Variants in CACNA1I observed in about 807,000 individuals in gnomAD.
CACNA1I encodes calcium voltage-gated channel subunit alpha1 I, also known as voltage-dependent T-type calcium channel subunit alpha-1I.
Under a neutral mutation model 201.6 loss-of-function variants are expected in CACNA1I, and 74 were observed. The observed-to-expected ratio is 0.37, with a 90% confidence interval of 0.30 to 0.45. CACNA1I has a LOEUF of 0.45. Among genes scored for constraint, CACNA1I ranks in the 20% least tolerant of loss-of-function variants. CACNA1I has a pLI of 1.00. For synonymous variants in CACNA1I, 1,431 were observed against 1,345.2 expected, an observed-to-expected ratio of 1.06 and a Z score of -1.40; for missense variants, 2,346 against 3,138.1, an observed-to-expected ratio of 0.75 and a Z score of 6.03.
chr22:39,597,588 G>A (rs374916478), intron 1 of CACNA1I, among the ~76,000 whole-genome samples: 7 of 152,260 alleles, frequency 4.6e-5, no homozygotes, highest in African/African-American at 1.7e-4. Flanking sequence ...CCAGGGCTGG[G>A]CTTGGTGCGG....
At chr22:39,611,386 A>G (rs1231947446) in intron 3 of CACNA1I, among the ~76,000 whole-genome samples, 1 of 152,134 alleles carries the variant, frequency 6.6e-6, no homozygotes, top group African/African-American at 2.4e-5. Context: ...GTGCTCACCC[A>G]TGACATGAAG....
chr22:39,596,499 G>A (rs1401474159), intron 1 of CACNA1I, among the ~76,000 whole-genome samples: 1 of 91,312 alleles, frequency 1.1e-5, no homozygotes, highest in Non-Finnish European at 2.3e-5. Context: ...GAGAGAGATG[G>A]GGGGCAGGGT....
At chr22:39,669,969 G>C in intron 24 of CACNA1I, 69 bp from the exon 25 acceptor site, 1 of 1,570,924 alleles carries the variant, frequency 6.4e-7, no homozygotes. Flanking sequence ...GGCTCAGCCA[G>C]GATGGGCACC....
At chr22:39,591,572 T>C (rs1231001484) in intron 1 of CACNA1I, among the ~76,000 whole-genome samples, 1 of 151,872 alleles carries the variant, frequency 6.6e-6, no homozygotes, top group Non-Finnish European at 1.5e-5. Flanking sequence ...TTTTTTTTTG[T>C]TTTTGAGATG....
chr22:39,581,395 G>A (rs75236651), intron 1 of CACNA1I, among the ~76,000 whole-genome samples: 117 of 152,292 alleles, frequency 7.7e-4, no homozygotes, highest in Non-Finnish European at 1.3e-3. Context: ...AGGGCAGAAC[G>A]GAAGACTGCG....
At chr22:39,664,212 C>G (rs1935112475) in intron 20 of CACNA1I, 53 bp downstream of exon 20, 3 of 1,470,858 alleles carry the variant, frequency 2.0e-6, no homozygotes, top group South Asian at 2.4e-5. Context: ...GGGCCCCTGG[C>G]CCTGGGTCAG....
At position 39,645,263 on chromosome 22, in the gene CACNA1I, A is replaced by G. The variant is rs1601490371; in HGVS notation, c.1150-1306A>G. The stretch of plus-strand genomic sequence containing the variant: ...CAGCCTCCCAAAGTGCTGGGATTAC[A>G]GGCATGAGCCACCGCACCTGGCTTC... On this transcript the variant is annotated intron_variant, in intron 7 of 36. Transcript: ENST00000402142. Among the ~76,000 whole-genome samples the G allele has an allele frequency of 3.9e-5, 6 of 152,374 alleles. 2 individuals carry two copies. Among genetic ancestry groups the G allele is most frequent in the Admixed American group, 3.9e-4 (6 of 15,306 alleles).
chr22:39,661,341 G>C (rs776778547), intron 16 of CACNA1I, 31 bp downstream of exon 16: 1 of 1,487,744 alleles, frequency 6.7e-7, no homozygotes, highest in East Asian at 2.3e-5. Flanking sequence ...CTGGACGGGC[G>C]CTTCCTGCTG....
intron 4 of CACNA1I, among the ~76,000 whole-genome samples, chr22:39,630,573 A>C (rs1934032380): frequency 6.6e-6 from 1 of 152,230 alleles, no homozygotes; most frequent in Non-Finnish European, 1.5e-5. Context: ...TGGATGGGAG[A>C]ACACAGAGCA....
intron 19 of CACNA1I, 73 bp from the exon 20 acceptor site, chr22:39,664,018 C>G: frequency 6.4e-7 from 1 of 1,556,560 alleles, no homozygotes; most frequent in South Asian, 1.1e-5. Flanking sequence ...GAACCTTGGC[C>G]AAAGCAGCGG....
rs570063446 is a variant in CACNA1I, at chr22:39,662,586, A to AG, written c.3372+155dup. ...GCTAGGGCTTCAGGTGTGAGGCAGGAGGGGTGGGGCCAGAACTGCCCACAC... is the reference window on the plus strand; with the variant it reads ...GCTAGGGCTTCAGGTGTGAGGCAGGAGGGGGTGGGGCCAGAACTGCCCACAC... On this transcript the variant is annotated intron_variant, in intron 17 of 36. Transcript: ENST00000402142. 1.8e-3 allele frequency among the ~76,000 whole-genome samples: 266 copies of AG among 151,378 alleles called. 4 individuals are homozygous for AG. In the East Asian group the frequency reaches 0.027, roughly 15 times the overall value.
chr22:39,579,668 C>T (rs1205785907), intron 1 of CACNA1I, among the ~76,000 whole-genome samples: 1 of 146,636 alleles, frequency 6.8e-6, no homozygotes, highest in Non-Finnish European at 1.5e-5. Context: ...TTTTTTGAGA[C>T]AGAGTTTCGC....
In CACNA1I at chr22:39,666,592, A is replaced by G. The variant is rs1935205320; in HGVS notation, c.4104+586A>G. On this transcript the variant is annotated intron_variant, in intron 23 of 36. Transcript: ENST00000402142. This position sits in a 1 kb window ranked among gnomAD's most constrained non-coding sequence, Gnocchi z 4.1. Reference sequence around the variant, plus strand: ...ACCCATCTGGGCAGTGCCCCAGGTGAGGGCCCTTGGCTGGCTGCCTCCCCT... The same window carrying G: ...ACCCATCTGGGCAGTGCCCCAGGTGGGGGCCCTTGGCTGGCTGCCTCCCCT... Among the ~76,000 whole-genome samples, 1 of 152,036 alleles carries G rather than the reference A, an allele frequency of 6.6e-6. No homozygotes were observed. Among genetic ancestry groups the G allele is most frequent in the African/African-American group, 2.4e-5 (1 of 41,376 alleles).
At chr22:39,617,337 C>T (rs964460086) in intron 3 of CACNA1I, among the ~76,000 whole-genome samples, 2 of 152,316 alleles carry the variant, frequency 1.3e-5, no homozygotes, top group African/African-American at 2.4e-5. Context: ...GCTGGGAGCC[C>T]CCATCTCCAG....
Position 39,662,446 on chromosome 22 carries a change from G to T in CACNA1I, c.3372+11G>T. The T allele has an allele frequency of 7.0e-7, 1 of 1,422,880 alleles. No homozygotes were observed. The highest frequency in any genetic ancestry group is 9.1e-7 in the Non-Finnish European group (1 of 1,094,204). 88.1% of individuals were successfully genotyped at this position (1,422,880 alleles called of 1,614,324 possible). ...GAGGAAATCGACTACGTGAGTGGGGGCGGGGCCGAAGGGGACCTGGTGCGG... is the reference window on the plus strand; with the variant it reads ...GAGGAAATCGACTACGTGAGTGGGGTCGGGGCCGAAGGGGACCTGGTGCGG... On this transcript the variant is annotated intron_variant, in intron 17 of 36. Transcript: ENST00000402142.
rs934786670 is a variant in CACNA1I at position 39,655,298 on chromosome 22, C to T, written c.1993-2854C>T. Among the ~76,000 whole-genome samples the T allele has an allele frequency of 2.0e-5, 3 of 152,154 alleles. No individual in the cohort carries two copies. In the East Asian group the frequency reaches 5.8e-4, roughly 29 times the overall value. On this transcript the variant is annotated intron_variant, in intron 10 of 36. Coordinates refer to ENST00000402142, the MANE Select transcript of CACNA1I (RefSeq NM_021096.4). ...GCTGACCTCTGCACACCCTTATCTACCCCTACAGAAATGGCAGAGGCTGGG... is the reference window on the plus strand; with the variant it reads ...GCTGACCTCTGCACACCCTTATCTATCCCTACAGAAATGGCAGAGGCTGGG...
intron 1 of CACNA1I, among the ~76,000 whole-genome samples, chr22:39,572,599 G>A (rs916117021): frequency 1.3e-5 from 2 of 152,122 alleles, no homozygotes; most frequent in Admixed American, 6.6e-5. Context: ...CCTTCTGGGG[G>A]ACGGCTCACA....
intron 1 of CACNA1I, among the ~76,000 whole-genome samples, chr22:39,585,715 A>C (rs1932728906): frequency 7.2e-6 from 1 of 138,704 alleles, no homozygotes; most frequent in Non-Finnish European, 1.5e-5. Context: ...AAAAAAAAAA[A>C]AAACTTTTAA....
Position 39,673,044 on chromosome 22 carries a change from C to T in CACNA1I, c.4745C>T (p.Thr1582Ile). ...AATGCGGCCCTGCCCATCAATCCCA[C>T]CATCATCCGCATCATGAGGGTTCTG... ...EINAALPINP[T>I]IIRIMRVLRI... The change falls in exon 28 of 37, where the codon ACC becomes ATC. Residue 1582 changes from threonine (T) to isoleucine (I), a missense_variant. By Grantham distance (89) the Thr-to-Ile change is moderately conservative. Transcript: ENST00000402142. The T allele has an allele frequency of 6.2e-7, 1 of 1,613,786 alleles. No homozygotes were observed. Among genetic ancestry groups the T allele is most frequent in the Non-Finnish European group, 8.5e-7 (1 of 1,179,796 alleles).
Sources: allele counts gnomAD v4.1 joint callset (sites outside exome capture counted in the v4.1 genomes callset), GRCh38; gene constraint gnomAD v4.1.1; non-coding constraint Gnocchi (gnomAD v3.1); transcripts MANE v1.5; gene names NCBI Gene and HGNC (gene_info 2026-07-23, HGNC 2026-07-21).